Variants in FAM83D observed in about 807,000 individuals in gnomAD.
The protein encoded by FAM83D is protein FAM83D.
Under a neutral mutation model 25.4 loss-of-function variants are expected in FAM83D, and 26 were observed. The ratio of observed to expected loss-of-function variants is 1.02; its 90% CI spans 0.75 to 1.42. The LOEUF (loss-of-function observed/expected upper bound fraction) is 1.42, where lower values mean the gene tolerates loss of function less well. Ranked by LOEUF, FAM83D falls within the 40% of genes most tolerant of loss-of-function variation. The pLI, the probability that FAM83D is intolerant of heterozygous loss-of-function variation, is 0.00. For synonymous variants in FAM83D, 310 were observed against 318.5 expected (o/e 0.97, Z 0.28); for missense variants, 740 against 758.1 (o/e 0.98, Z 0.28).
intron 2 of FAM83D, among the ~76,000 whole-genome samples, chr20:38,945,301 C>G (rs1384226167): frequency 6.6e-6 from 1 of 152,142 alleles, no homozygotes; most frequent in African/African-American, 2.4e-5. Context: ...TATGTTGATC[C>G]TTTAAGACTT....
intron 2 of FAM83D, among the ~76,000 whole-genome samples, chr20:38,946,223 ATTT>A (rs1359218828): frequency 3.4e-5 from 5 of 148,746 alleles, no homozygotes; most frequent in Non-Finnish European, 6.0e-5. Context: ...AAAAAAAACA[ATTT>A]TTTGTAGAAT....
intron 1 of FAM83D, among the ~76,000 whole-genome samples, chr20:38,930,532 G>A (rs2085654650): frequency 6.6e-6 from 1 of 152,106 alleles, no homozygotes; most frequent in African/African-American, 2.4e-5. Context: ...CCACGCTGGA[G>A]TGCAGTGGCA....
chr20:38,940,330 C>T (rs2085696345), intron 1 of FAM83D, among the ~76,000 whole-genome samples: 1 of 152,106 alleles, frequency 6.6e-6, no homozygotes, highest in Admixed American at 6.5e-5. Context: ...GTAGACCAGG[C>T]CCTGGAGTGT....
At chr20:38,931,138 G>C (rs578182079) in intron 1 of FAM83D, among the ~76,000 whole-genome samples, 2 of 152,352 alleles carry the variant, frequency 1.3e-5, no homozygotes, top group East Asian at 3.9e-4. Flanking sequence ...TGGAGCTTTG[G>C]TAGTTTTCAA....
intron 2 of FAM83D, among the ~76,000 whole-genome samples, chr20:38,946,464 AC>A (rs965211852): frequency 6.6e-6 from 1 of 152,122 alleles, no homozygotes; most frequent in South Asian, 2.1e-4. Context: ...CAATGTCAAA[AC>A]CTGGAAATTG....
Position 38,952,138 on chromosome 20 carries a change from C to T in FAM83D, c.1376C>T (p.Thr459Ile). 1 of 1,614,216 alleles carries T rather than the reference C, an allele frequency of 6.2e-7. No homozygotes were observed. The highest frequency in any genetic ancestry group is 8.5e-7 in the Non-Finnish European group (1 of 1,180,046). Reference sequence around the variant, plus strand: ...CTCTTTCCTCGAGGAACTCAATCTACAGAAGGGTCACCAGTCTCAAAAATG... The same window carrying T: ...CTCTTTCCTCGAGGAACTCAATCTATAGAAGGGTCACCAGTCTCAAAAATG... ...NILFPRGTQS[T>I]EGSPVSKMSV... Residue 459 changes from threonine (T) to isoleucine (I), a missense_variant, in exon 4 of 4, where the codon ACA becomes ATA. This residue lies in a region of FAM83D where 375 missense variants were observed against 403.2 expected (regional missense o/e 0.93). Transcript: ENST00000619850.
At chr20:38,939,560 G>A (rs1348613421) in intron 1 of FAM83D, among the ~76,000 whole-genome samples, 9 of 151,886 alleles carry the variant, frequency 5.9e-5, no homozygotes, top group African/African-American at 1.5e-4. Flanking sequence ...CGTGTTGGCC[G>A]GGCTGCTCTC....
Position 38,952,100 on chromosome 20 carries a change from G to A in FAM83D, c.1338G>A (p.Met446Ile), listed in dbSNP as rs748456811. Residue 446 changes from methionine (M) to isoleucine (I), a missense_variant, in exon 4 of 4, where the codon ATG becomes ATA. Met to Ile is a conservative substitution (Grantham distance 10). This residue lies in a region of FAM83D where 375 missense variants were observed against 403.2 expected (regional missense o/e 0.93). Transcript: ENST00000619850. The part of the protein sequence containing the change: ...WSRSTTTQTD[M>I]DENILFPRGT... The stretch of plus-strand genomic sequence containing the variant: ...GATCGACCACTACTCAGACTGACAT[G>A]GATGAGAACATTCTCTTTCCTCGAG... 9.3e-6 allele frequency: 15 copies of A among 1,614,210 alleles called. No homozygotes were observed. Among genetic ancestry groups the A allele is most frequent in the Non-Finnish European group, 1.2e-5 (14 of 1,180,048 alleles).
rs548872193 is a variant in FAM83D, at chr20:38,932,786, C to T, written c.483+5861C>T. Reference sequence around the variant, plus strand: ...TTCAGAGGCAAAGCTGGTACCACCACGAGGTTCCAATTCCTCAGAGTCACG... The same window carrying T: ...TTCAGAGGCAAAGCTGGTACCACCATGAGGTTCCAATTCCTCAGAGTCACG... On this transcript the variant is annotated intron_variant, in intron 1 of 3. Transcript: ENST00000619850. Among the ~76,000 whole-genome samples the T allele has an allele frequency of 2.6e-5, 4 of 152,336 alleles. No homozygotes were observed. The East Asian group carries it at 7.7e-4, about 29-fold the overall frequency.
chr20:38,927,437 G>A (rs2145797876), intron 1 of FAM83D, among the ~76,000 whole-genome samples: 1 of 150,244 alleles, frequency 6.7e-6, no homozygotes, highest in East Asian at 2.0e-4. Context: ...ATCTTTTGCT[G>A]TAAAAAGCAG....
intron 1 of FAM83D, among the ~76,000 whole-genome samples, chr20:38,941,306 C>T (rs1319344209): frequency 6.6e-6 from 1 of 152,068 alleles, no homozygotes; most frequent in Non-Finnish European, 1.5e-5. Context: ...AGAATGTTAA[C>T]AAATATGGTA....
chr20:38,932,460 G>A lies in FAM83D; in HGVS notation c.483+5535G>A, dbSNP rs141917227. 2.3e-4 allele frequency among the ~76,000 whole-genome samples: 35 copies of A among 152,348 alleles called. 1 individual carries two copies. The East Asian group carries it at 5.2e-3, about 23-fold the overall frequency. On this transcript the variant is annotated intron_variant, in intron 1 of 3. Transcript: ENST00000619850. ...CTGGCTGCTTACCAGGTGCTCAGGC[G>A]AGCTTCACCAAAATTGGAGGAAATA... is the stretch of plus-strand genomic sequence containing the variant.
intron 2 of FAM83D, among the ~76,000 whole-genome samples, chr20:38,943,318 C>T (rs2085711348): frequency 6.6e-6 from 1 of 152,174 alleles, no homozygotes; most frequent in Non-Finnish European, 1.5e-5. Context: ...GGCCCCATGC[C>T]CAGCCTGCTC....
rs2085651151 is a variant in FAM83D at position 38,929,691 on chromosome 20, T to A, written c.483+2766T>A. Among the ~76,000 whole-genome samples, 2 of 150,426 alleles carry A rather than the reference T, an allele frequency of 1.3e-5. 1 individual carries two copies. The highest frequency in any genetic ancestry group is 2.9e-5 in the Non-Finnish European group (2 of 67,856). ...TACTCAGGAGGCTGAGGCAGGAGGA[T>A]CATTTGAGCCCAGGAGTTTGAGGCT... is the stretch of plus-strand genomic sequence containing the variant. On this transcript the variant is annotated intron_variant, in intron 1 of 3. Coordinates refer to ENST00000619850, the MANE Select transcript of FAM83D (RefSeq NM_030919.3).
rs774873052 is a variant in FAM83D, at chr20:38,941,955, G to A, written c.484-4G>A. On this transcript the variant is annotated splice_polypyrimidine_tract_variant and splice_region_variant and intron_variant, in intron 1 of 3. Coordinates refer to ENST00000619850, the MANE Select transcript of FAM83D (RefSeq NM_030919.3). ...TCATGTGCTCTTCCCTGTTTCACCTGTAGGTGATTGCAGTGGTCATGGACG... is the reference window on the plus strand; with the variant it reads ...TCATGTGCTCTTCCCTGTTTCACCTATAGGTGATTGCAGTGGTCATGGACG... The A allele has an allele frequency of 1.5e-5, 24 of 1,613,552 alleles. No homozygotes were observed. Among genetic ancestry groups the A allele is most frequent in the Non-Finnish European group, 2.0e-5 (24 of 1,179,990 alleles).
In FAM83D at chr20:38,952,865, G is replaced by C. The variant is rs2085763171; in HGVS notation, c.*345G>C. 4.0e-6 allele frequency: 1 copy of C among 252,162 alleles called. No homozygotes were observed. The highest frequency in any genetic ancestry group is 7.6e-6 in the Non-Finnish European group (1 of 130,898). 15.6% of individuals were successfully genotyped at this position (252,162 alleles called of 1,614,324 possible). ...TGTATTTTTACTATACCTTTTCTGT[G>C]TTTAGATACAAATACCATTATGTTA... On this transcript the variant is annotated 3_prime_UTR_variant, in exon 4 of 4. Transcript: ENST00000619850.
chr20:38,950,347 T>C (rs1009729418), intron 3 of FAM83D, among the ~76,000 whole-genome samples: 3 of 152,082 alleles, frequency 2.0e-5, no homozygotes, highest in African/African-American at 7.2e-5. Flanking sequence ...CCTGCCCCTA[T>C]TGTGGTTGGA....
chr20:38,948,633 T>C (rs568875315), intron 3 of FAM83D, among the ~76,000 whole-genome samples: 4 of 152,240 alleles, frequency 2.6e-5, no homozygotes, highest in Admixed American at 6.5e-5. Flanking sequence ...TTTGTACATA[T>C]GTGGCTCCAA....
intron 2 of FAM83D, among the ~76,000 whole-genome samples, chr20:38,943,179 C>T (rs1403821819): frequency 6.6e-6 from 1 of 152,110 alleles, no homozygotes; most frequent in Non-Finnish European, 1.5e-5. Flanking sequence ...TGCGTACCAC[C>T]ACACCTGGCT....
Sources: allele counts gnomAD v4.1 joint callset (sites outside exome capture counted in the v4.1 genomes callset), GRCh38; gene constraint gnomAD v4.1.1; regional missense constraint gnomAD v4.1.1; transcripts MANE v1.5; gene names NCBI Gene and HGNC (gene_info 2026-07-23, HGNC 2026-07-21).